The following THSD7A variants were observed in gnomAD, a reference collection of about 807,000 sequenced individuals.
THSD7A encodes the protein thrombospondin type 1 domain containing 7A, also known as thrombospondin type-1 domain-containing protein 7A.
THSD7A carries 96 observed loss-of-function variants against 231.3 expected under a neutral mutation model. The observed-to-expected ratio is 0.41, with a 90% CI of 0.35 to 0.49. The LOEUF is 0.49. Ranked by LOEUF, THSD7A falls within the 20% of genes least tolerant of loss-of-function variation. The pLI is 0.05. For missense variants in THSD7A, 2,290 were observed against 2,070.2 expected, an observed-to-expected ratio of 1.11 and a Z score of -2.06; for synonymous variants, 940 against 743.3, an observed-to-expected ratio of 1.26 and a Z score of -4.30.
intron 6 of THSD7A, among the ~76,000 whole-genome samples, chr7:11,486,212 A>G (rs1176793295): frequency 2.0e-5 from 3 of 152,122 alleles, no homozygotes; most frequent in East Asian, 1.9e-4. Flanking sequence ...GAGTAGCAGA[A>G]AATAATTTCA....
At chr7:11,788,265 G>A (rs1783849674) in intron 1 of THSD7A, among the ~76,000 whole-genome samples, 1 of 151,956 alleles carries the variant, frequency 6.6e-6, no homozygotes, top group African/African-American at 2.4e-5. Flanking sequence ...TGATGCTTCT[G>A]CCACATTATT....
chr7:11,402,523 C>T lies in THSD7A; in HGVS notation c.4238-555G>A, dbSNP rs180946958. Among the ~76,000 whole-genome samples, 1,397 of 152,324 alleles carry T rather than the reference C, an allele frequency of 9.2e-3. 15 individuals are homozygous for T. The highest frequency in any genetic ancestry group is 0.014 in the Non-Finnish European group (971 of 68,026). On this transcript the variant is annotated intron_variant, in intron 22 of 27. Coordinates refer to ENST00000423059, the MANE Select transcript of THSD7A (RefSeq NM_015204.3). ...AATGCTCACTATTTCCTCTGATCTA[C>T]ATCCTCAATCAACTTCTCTTTAAAA... is the stretch of plus-strand genomic sequence containing the variant.
At chr7:11,433,352 ACT>A (rs1337454567) in intron 13 of THSD7A, among the ~76,000 whole-genome samples, 3 of 151,904 alleles carry the variant, frequency 2.0e-5, no homozygotes, top group Admixed American at 1.3e-4. Context: ...CCAAAAAATA[ACT>A]CTTCTTATTT....
Position 11,541,581 on chromosome 7 carries a change from C to T in THSD7A, c.1660G>A (p.Gly554Arg). ...AAGTGAGGGCAGTTTCCGGTTACCCCAGAGCCTCCAGTGGGCTCATTGGTA... is the reference window on the plus strand; with the variant it reads ...AAGTGAGGGCAGTTTCCGGTTACCCTAGAGCCTCCAGTGGGCTCATTGGTA... ...RITNEPTGGS[G>R]VTGNCPHLLE... Residue 554 changes from glycine (G) to arginine (R), a missense_variant, in exon 6 of 28, where the codon GGG becomes AGG. Physicochemically the swap from Gly to Arg is moderately radical, Grantham distance 125. Transcript: ENST00000423059. 1 of 1,613,966 alleles carries T rather than the reference C, an allele frequency of 6.2e-7. No homozygotes were observed. Among genetic ancestry groups the T allele is most frequent in the African/African-American group, 1.3e-5 (1 of 75,042 alleles).
At position 11,417,593 on chromosome 7, in the gene THSD7A, T is replaced by C. The variant is rs372785004; in HGVS notation, c.3394A>G (p.Asn1132Asp). 23 of 1,599,894 alleles carry C rather than the reference T, an allele frequency of 1.4e-5. 2 individuals are homozygous for C. The South Asian group carries it at 2.3e-4, about 16-fold the overall frequency. ...VQTRKVRCMQ[N>D]TADGPSEHVE... is the part of the protein sequence containing the mutation. ...TGTTCAGAAGGGCCATCTGCTGTAT[T>C]CTGCATGCATCTAGAAAAGAACATA... The change falls in exon 17 of 28, where the codon AAT becomes GAT. Residue 1132 changes from asparagine to aspartate, a missense_variant. Coordinates refer to ENST00000423059, the MANE Select transcript of THSD7A (RefSeq NM_015204.3).
At chr7:11,443,624 C>G (rs762296822) in intron 13 of THSD7A, among the ~76,000 whole-genome samples, 28 of 151,406 alleles carry the variant, frequency 1.8e-4, no homozygotes, top group Admixed American at 2.6e-4. Flanking sequence ...TTTGTTTTTA[C>G]CTTAAATATA....
chr7:11,668,890 T>C (rs1418720437), intron 1 of THSD7A, among the ~76,000 whole-genome samples: 2 of 152,174 alleles, frequency 1.3e-5, no homozygotes, highest in Non-Finnish European at 2.9e-5. Flanking sequence ...ATATGTAGTC[T>C]TTCCACACTC....
intron 2 of THSD7A, among the ~76,000 whole-genome samples, chr7:11,609,668 G>T (rs73676043): frequency 0.021 from 3,149 of 152,192 alleles, 86 homozygotes; most frequent in African/African-American, 0.062. Flanking sequence ...ATCCTGTATT[G>T]TGACCACAGG....
At chr7:11,699,513 T>C (rs991152509) in intron 1 of THSD7A, among the ~76,000 whole-genome samples, 1 of 151,294 alleles carries the variant, frequency 6.6e-6, no homozygotes, top group Admixed American at 6.6e-5. Context: ...GACAACTAAA[T>C]GCTTAGTTCT....
intron 2 of THSD7A, among the ~76,000 whole-genome samples, chr7:11,602,216 G>T (rs971361035): frequency 1.3e-5 from 2 of 151,976 alleles, no homozygotes; most frequent in Non-Finnish European, 2.9e-5. Flanking sequence ...TTAAATATGA[G>T]AAATTAATTG....
rs141083034 is a variant in THSD7A at position 11,667,146 on chromosome 7, C to T, written c.191-30185G>A. ...TGGTGATGATTTCTGACATTTAATG[C>T]CCCCCTCACCTGAGCAGTGTACACT... On this transcript the variant is annotated intron_variant, in intron 1 of 27. Coordinates refer to ENST00000423059, the MANE Select transcript of THSD7A (RefSeq NM_015204.3). Among the ~76,000 whole-genome samples, 106 of 151,958 alleles carry T rather than the reference C, an allele frequency of 7.0e-4. 2 individuals are homozygous for T. Among genetic ancestry groups the T allele is most frequent in the African/African-American group, 2.3e-3 (97 of 41,462 alleles).
chr7:11,710,393 G>C (rs918986876), intron 1 of THSD7A, among the ~76,000 whole-genome samples: 95 of 150,910 alleles, frequency 6.3e-4, no homozygotes, highest in African/African-American at 2.2e-3. Flanking sequence ...CAATAACTCT[G>C]ATTTTGTTCA....
At chr7:11,805,280 A>G (rs1242008675) in intron 1 of THSD7A, among the ~76,000 whole-genome samples, 31 of 152,170 alleles carry the variant, frequency 2.0e-4, no homozygotes, top group Non-Finnish European at 8.8e-5. Context: ...TCTGTATCCT[A>G]CTGACCAATC....
intron 6 of THSD7A, among the ~76,000 whole-genome samples, chr7:11,517,820 T>A (rs999113076): frequency 1.3e-5 from 2 of 152,236 alleles, no homozygotes; most frequent in African/African-American, 4.8e-5. Context: ...CCATCTAGAA[T>A]CAGGTGCCTT....
At chr7:11,375,996 G>A (rs1185700497) in intron 27 of THSD7A, 118 bp from the exon 28 acceptor site, 21 of 820,772 alleles carry the variant, frequency 2.6e-5, no homozygotes, top group Admixed American at 4.6e-5. Flanking sequence ...CGTTGCCTGC[G>A]TTGCCTAAAG....
chr7:11,700,993 T>A (rs1364712249), intron 1 of THSD7A, among the ~76,000 whole-genome samples: 2 of 151,228 alleles, frequency 1.3e-5, no homozygotes, highest in African/African-American at 4.8e-5. Flanking sequence ...ACAAAAACTA[T>A]CCTCCTTCTT....
chr7:11,769,471 T>C (rs529642396), intron 1 of THSD7A, among the ~76,000 whole-genome samples: 1 of 152,152 alleles, frequency 6.6e-6, no homozygotes, highest in African/African-American at 2.4e-5. Flanking sequence ...CATTTCATAA[T>C]AACTTGTGAT....
intron 6 of THSD7A, among the ~76,000 whole-genome samples, chr7:11,537,151 C>T (rs62432830): frequency 0.016 from 2,457 of 152,240 alleles, 31 homozygotes; most frequent in South Asian, 0.024. Context: ...ACAAGAACTA[C>T]TTGGGAAAGA....
chr7:11,377,024 A>T lies in THSD7A; in HGVS notation c.4802-367T>A, dbSNP rs1240948991. 6.3e-6 allele frequency: 1 copy of T among 158,942 alleles called. No individual in the cohort carries two copies. The highest frequency in any genetic ancestry group is 1.8e-4 in the East Asian group (1 of 5,572). 9.8% of individuals were successfully genotyped at this position (158,942 alleles called of 1,614,324 possible). A position where few individuals can be genotyped will look rare whatever the true frequency, so the allele number is the denominator to read the frequency against. On this transcript the variant is annotated intron_variant, in intron 26 of 27. Transcript: ENST00000423059. This position sits in a 1 kb window ranked among gnomAD's most constrained non-coding sequence, Gnocchi z 4.5. ...GTATTTTGAGAATTGCAATGAGAAGAAAAGATGAAAAATGCAATTTTAAGA... is the reference window on the plus strand; with the variant it reads ...GTATTTTGAGAATTGCAATGAGAAGTAAAGATGAAAAATGCAATTTTAAGA...
Sources: allele counts gnomAD v4.1 joint callset (sites outside exome capture counted in the v4.1 genomes callset), GRCh38; gene constraint gnomAD v4.1.1; non-coding constraint Gnocchi (gnomAD v3.1); transcripts MANE v1.5; gene names NCBI Gene and HGNC (gene_info 2026-07-23, HGNC 2026-07-21).